GOLGA8B: variants seen among roughly 807,000 people sequenced by gnomAD.
The protein encoded by GOLGA8B is golgin A8 family member B.
In GOLGA8B, 1 loss-of-function variant was observed where a neutral mutation model predicts 15.6. The observed-to-expected ratio is 0.06, with a 90% CI of 0.02 to 0.30. The LOEUF is 0.30. GOLGA8B is among the 10% of genes least tolerant of loss of function. The probability of loss-of-function intolerance (pLI) is 1.00; values close to 1 mark genes in which losing one functional copy is unlikely to be tolerated. For missense variants in GOLGA8B, 17 were observed against 201.3 expected (o/e 0.08, Z 5.54); for synonymous variants, 9 against 80.3 (o/e 0.11, Z 4.75).
Position 34,583,516 on chromosome 15 carries a change from C to T in GOLGA8B, c.-1123G>A, listed in dbSNP as rs1889308489. The T allele has an allele frequency of 6.6e-6, 1 of 151,888 alleles. No homozygotes were observed. The highest frequency in any genetic ancestry group is 1.5e-5 in the Non-Finnish European group (1 of 67,940). The allele number at this position is 151,888 out of a possible 1,614,324, so 9.4% of individuals were successfully genotyped here. ...AGGCAGCCAAGGTTCCCCAGCTTAC[C>T]TGGCCAGGGCGCGGGGCTGCCCCGG... On this transcript the variant is annotated splice_region_variant and 5_prime_UTR_variant, in exon 1 of 24. Transcript: ENST00000683415.
chr15:34,564,355 TAA>T (rs58970262), intron 1 of GOLGA8B, among the ~76,000 whole-genome samples: 11 of 105,466 alleles, frequency 1.0e-4, no homozygotes, highest in African/African-American at 1.0e-4. Flanking sequence ...TGTAGATTCT[TAA>T]AAAAAAAAAA....
chr15:34,578,664 A>C (rs1889146648), intron 1 of GOLGA8B, among the ~76,000 whole-genome samples: 1 of 152,212 alleles, frequency 6.6e-6, no homozygotes, highest in African/African-American at 2.4e-5. Flanking sequence ...AATGACAAAC[A>C]AAGAGGGATG....
chr15:34,578,284 A>T (rs1306278627), intron 1 of GOLGA8B, among the ~76,000 whole-genome samples: 1 of 152,184 alleles, frequency 6.6e-6, no homozygotes, highest in Non-Finnish European at 1.5e-5. Context: ...CCTGGAGGGC[A>T]AGCTCCCACG....
chr15:34,580,336 G>A (rs1430574988), intron 1 of GOLGA8B, among the ~76,000 whole-genome samples: 1 of 152,212 alleles, frequency 6.6e-6, no homozygotes, highest in East Asian at 1.9e-4. Flanking sequence ...ACACATGGAT[G>A]TGGAGGGAGC....
intron 1 of GOLGA8B, among the ~76,000 whole-genome samples, chr15:34,569,077 G>A (rs1428342049): frequency 4.1e-5 from 6 of 147,466 alleles, no homozygotes; most frequent in Non-Finnish European, 6.0e-5. Context: ...CAACCAAGGT[G>A]TCTAGGAGCC....
At chr15:34,577,969 G>C (rs1889127977) in intron 1 of GOLGA8B, among the ~76,000 whole-genome samples, 1 of 151,062 alleles carries the variant, frequency 6.6e-6, no homozygotes, top group African/African-American at 2.4e-5. Context: ...TAGGCAATAG[G>C]AATTTTTGAG....
intron 1 of GOLGA8B, among the ~76,000 whole-genome samples, chr15:34,574,542 C>T (rs62004900): frequency 0.2 from 29,808 of 151,608 alleles, 3,478 homozygotes; most frequent in Non-Finnish European, 0.28. Context: ...TGGGCTTAAG[C>T]GATCCTCCCT....
intron 1 of GOLGA8B, among the ~76,000 whole-genome samples, chr15:34,573,405 C>T (rs1395058973): frequency 1.3e-5 from 2 of 151,688 alleles, no homozygotes; most frequent in East Asian, 3.9e-4. Context: ...GGAGGGGTGG[C>T]GGGCGCCTGT....
chr15:34,582,962 T>G (rs1316586875), intron 1 of GOLGA8B: 1 of 151,542 alleles, frequency 6.6e-6, no homozygotes. Context: ...GGCAACAAGG[T>G]GTGGGGTTTT....
At chr15:34,575,792 G>T (rs868662283) in intron 1 of GOLGA8B, among the ~76,000 whole-genome samples, 2 of 152,222 alleles carry the variant, frequency 1.3e-5, no homozygotes, top group African/African-American at 4.8e-5. Context: ...CCCAGAGCCA[G>T]AATGGGGCTC....
At position 34,527,288 on chromosome 15, in the gene GOLGA8B, G is replaced by A; in HGVS notation, c.*344C>T. 2.7e-6 allele frequency: 1 copy of A among 367,832 alleles called. No individual in the cohort carries two copies. Among genetic ancestry groups the A allele is most frequent in the Non-Finnish European group, 5.1e-6 (1 of 197,450 alleles). 22.8% of individuals were successfully genotyped at this position (367,832 alleles called of 1,614,324 possible). On this transcript the variant is annotated 3_prime_UTR_variant, in exon 24 of 24. Transcript: ENST00000683415. ...GCAATAACATTAAAAAAGCACGGGA[G>A]CCTATTCCAAACCAGCGAGAACAGT...
chr15:34,571,294 C>A (rs62006251), intron 1 of GOLGA8B, among the ~76,000 whole-genome samples: 55,237 of 148,916 alleles, frequency 0.37, 10,370 homozygotes, highest in Admixed American at 0.46. Flanking sequence ...GCCTGGGTGA[C>A]AAAGTAAGAC....
chr15:34,581,301 C>A (rs879374582), intron 1 of GOLGA8B, among the ~76,000 whole-genome samples: 25 of 152,182 alleles, frequency 1.6e-4, no homozygotes, highest in Non-Finnish European at 3.2e-4. Flanking sequence ...CTCCAACAGC[C>A]CTCACTGCAG....
At chr15:34,583,033 C>T (rs1356210945) in intron 1 of GOLGA8B, among the ~76,000 whole-genome samples, 2 of 152,164 alleles carry the variant, frequency 1.3e-5, no homozygotes, top group Admixed American at 1.3e-4. Context: ...GGCGAAGATC[C>T]GGGCTCGGGT....
At position 34,565,135 on chromosome 15, in the gene GOLGA8B, C is replaced by CTT. The variant is rs71119971; in HGVS notation, c.-1122-11181_-1122-11180dup. Among the ~76,000 whole-genome samples the CTT allele has an allele frequency of 5.4e-4, 58 of 106,940 alleles. 2 individuals are homozygous for CTT. The highest frequency in any genetic ancestry group is 1.8e-3 in the Admixed American group (21 of 11,370). 70.2% of individuals were successfully genotyped at this position (106,940 alleles called of 152,430 possible). On this transcript the variant is annotated intron_variant, in intron 1 of 23. Transcript: ENST00000683415. ...AGGTCAGCCTCTTAGATCCAGTTCT[C>CTT]TTTTTTTTTTTTTTTTTGAGACGGA...
chr15:34,575,362 C>A (rs530685120), intron 1 of GOLGA8B, among the ~76,000 whole-genome samples: 23,083 of 149,734 alleles, frequency 0.15, 2,192 homozygotes, highest in Admixed American at 0.28. Context: ...CCTCAACACA[C>A]CCCTGACCGC....
At chr15:34,581,031 C>G (rs866507268) in intron 1 of GOLGA8B, among the ~76,000 whole-genome samples, 20 of 152,318 alleles carry the variant, frequency 1.3e-4, no homozygotes, top group Admixed American at 2.6e-4. Flanking sequence ...CAGGCTGAAA[C>G]GCAGGGCATG....
At chr15:34,573,468 T>C (rs1016997758) in intron 1 of GOLGA8B, among the ~76,000 whole-genome samples, 1 of 133,744 alleles carries the variant, frequency 7.5e-6, no homozygotes, top group Admixed American at 8.8e-5. Flanking sequence ...ACCCAGGAGG[T>C]GGAGCTTACA....
intron 1 of GOLGA8B, among the ~76,000 whole-genome samples, chr15:34,582,123 C>T (rs1181221081): frequency 6.6e-6 from 1 of 152,192 alleles, no homozygotes; most frequent in Non-Finnish European, 1.5e-5. Context: ...ACCCAGGAAT[C>T]AGCGCAGAGT....
Sources: gnomAD v4.1 joint callset for allele counts (sites outside exome capture counted in the v4.1 genomes callset) on GRCh38, gnomAD v4.1.1 for gene constraint, MANE v1.5 for transcripts, NCBI Gene and HGNC (gene_info 2026-07-23, HGNC 2026-07-21) for gene names.